SUDS3: variants seen among roughly 807,000 people sequenced by gnomAD.
The protein encoded by SUDS3 is sin3 histone deacetylase corepressor complex component SDS3.
In SUDS3, 23 loss-of-function variants were observed where a neutral mutation model predicts 53.5. That is an observed-to-expected ratio of 0.43 (90% CI 0.31 to 0.61). SUDS3 has a LOEUF of 0.61. SUDS3 is among the 20% of genes least tolerant of loss of function. The pLI, the probability that SUDS3 is intolerant of heterozygous loss-of-function variation, is 0.10. For missense variants in SUDS3, 291 were observed against 405.9 expected, an observed-to-expected ratio of 0.72 and a Z score of 2.43; for synonymous variants, 150 against 148.5, an observed-to-expected ratio of 1.01 and a Z score of -0.08.
chr12:118,414,236 T>C, intron 11 of SUDS3, 99 bp from the exon 12 acceptor site: 1 of 871,206 alleles, frequency 1.1e-6, no homozygotes, highest in Non-Finnish European at 1.7e-6. Context: ...GCTACCAGCC[T>C]TCTGCTTGCA....
chr12:118,403,579 G>T lies in SUDS3; in HGVS notation c.803+62G>T. 3.0e-6 allele frequency: 4 copies of T among 1,334,338 alleles called. No homozygotes were observed. In the Admixed American group the frequency reaches 5.8e-5, roughly 19 times the overall value. The allele number at this position is 1,334,338 out of a possible 1,614,324, so 82.7% of individuals were successfully genotyped here. A position where few individuals can be genotyped will look rare whatever the true frequency, so the allele number is the denominator to read the frequency against. ...ATATGAACCACTTGGAAAGAGGGCT[G>T]GGGCTATTGTAGTTATTTCAGATCA... On this transcript the variant is annotated intron_variant, in intron 10 of 11. Transcript: ENST00000543473.
intron 7 of SUDS3, among the ~76,000 whole-genome samples, chr12:118,401,486 T>G (rs927004695): frequency 6.6e-6 from 1 of 152,214 alleles, no homozygotes; most frequent in Non-Finnish European, 1.5e-5. Flanking sequence ...GAAATTCTTA[T>G]TTTACTGTTT....
chr12:118,403,395 G>A lies in SUDS3; in HGVS notation c.698-17G>A, dbSNP rs2271008. The A allele has an allele frequency of 1.1e-4, 182 of 1,602,474 alleles. No homozygotes were observed. The East Asian group carries it at 3.8e-3, about 33-fold the overall frequency. Reference sequence around the variant, plus strand: ...GTTTGTTACATTCTTAGTCACGTAAGTATTGGTTTCCTCCAGCATCTCCAT... The same window carrying A: ...GTTTGTTACATTCTTAGTCACGTAAATATTGGTTTCCTCCAGCATCTCCAT... On this transcript the variant is annotated splice_polypyrimidine_tract_variant and intron_variant, in intron 9 of 11. Transcript: ENST00000543473.
rs536872290 is a variant in SUDS3, at chr12:118,398,997, C to T, written c.518-1662C>T. On this transcript the variant is annotated intron_variant, in intron 6 of 11. Transcript: ENST00000543473. The stretch of plus-strand genomic sequence containing the variant: ...GAGAGGGTATTAAACTGACTTTCAA[C>T]GGGTATTATGTAGGAGTTTGCTGGG... 5.3e-5 allele frequency among the ~76,000 whole-genome samples: 8 copies of T among 152,150 alleles called. No homozygotes were observed. In the East Asian group the frequency reaches 7.7e-4, roughly 15 times the overall value.
chr12:118,377,898 G>T (rs1036237874), intron 1 of SUDS3, among the ~76,000 whole-genome samples: 2 of 152,230 alleles, frequency 1.3e-5, no homozygotes, highest in Non-Finnish European at 2.9e-5. Context: ...CTCAGGGAAG[G>T]CCTCTTGACT....
chr12:118,387,339 C>T (rs982325766), intron 4 of SUDS3, among the ~76,000 whole-genome samples: 4 of 152,164 alleles, frequency 2.6e-5, no homozygotes, highest in Non-Finnish European at 5.9e-5. Context: ...GTCCTGCCTC[C>T]TCACTTTAGA....
chr12:118,388,623 C>G (rs2046135895), intron 4 of SUDS3, among the ~76,000 whole-genome samples: 1 of 152,088 alleles, frequency 6.6e-6, no homozygotes, highest in South Asian at 2.1e-4. Flanking sequence ...TTTAAGGCAT[C>G]TGAAGGGCAT....
chr12:118,381,798 C>G (rs1476213890), intron 2 of SUDS3, among the ~76,000 whole-genome samples: 1 of 152,200 alleles, frequency 6.6e-6, no homozygotes, highest in East Asian at 1.9e-4. Flanking sequence ...GAAACGAAAA[C>G]CTCACTCACT....
intron 10 of SUDS3, among the ~76,000 whole-genome samples, chr12:118,410,137 A>G (rs1184431098): frequency 6.6e-6 from 1 of 152,232 alleles, no homozygotes; most frequent in Non-Finnish European, 1.5e-5. Context: ...TCTCTGTGAT[A>G]GTGGAGAACT....
At chr12:118,400,787 CTTTT>C in intron 7 of SUDS3, 33 bp downstream of exon 7, 3 of 1,595,940 alleles carry the variant, frequency 1.9e-6, no homozygotes, top group Non-Finnish European at 2.6e-6. Flanking sequence ...AACCGCCTTT[CTTTT>C]TTAAGACTGT....
At chr12:118,390,873 G>A (rs1255298772) in intron 5 of SUDS3, 2 of 511,018 alleles carry the variant, frequency 3.9e-6, no homozygotes, top group Non-Finnish European at 7.4e-6. Flanking sequence ...ATGTGTTTTA[G>A]TATAAAATAT....
At chr12:118,407,808 T>C (rs1025209093) in intron 10 of SUDS3, among the ~76,000 whole-genome samples, 2 of 150,550 alleles carry the variant, frequency 1.3e-5, no homozygotes, top group Non-Finnish European at 3.0e-5. Flanking sequence ...AGACTCCGCC[T>C]CCCAGGTTCA....
chr12:118,407,972 G>A (rs919456668), intron 10 of SUDS3, among the ~76,000 whole-genome samples: 9 of 151,972 alleles, frequency 5.9e-5, no homozygotes, highest in Non-Finnish European at 1.3e-4. Flanking sequence ...CGCCATCTCA[G>A]CTCACTGCAA....
intron 6 of SUDS3, among the ~76,000 whole-genome samples, chr12:118,392,996 A>G (rs1418333428): frequency 1.3e-5 from 2 of 152,230 alleles, no homozygotes; most frequent in African/African-American, 4.8e-5. Flanking sequence ...TTTGTAACGC[A>G]ATAAAATAGA....
intron 2 of SUDS3, among the ~76,000 whole-genome samples, chr12:118,381,901 A>C (rs374129210): frequency 2.6e-5 from 4 of 152,214 alleles, no homozygotes; most frequent in African/African-American, 9.7e-5. Flanking sequence ...ACCTTTTAAC[A>C]GGATGATCCA....
intron 2 of SUDS3, 48 bp downstream of exon 2, chr12:118,380,279 T>A: frequency 1.3e-6 from 2 of 1,490,366 alleles, no homozygotes; most frequent in Non-Finnish European, 1.8e-6. Context: ...ATTGACAACA[T>A]CTTTATATAG....
At chr12:118,414,247 TCTCA>T in intron 11 of SUDS3, 84 bp from the exon 12 acceptor site, 1 of 963,522 alleles carries the variant, frequency 1.0e-6, no homozygotes, top group Non-Finnish European at 1.5e-6. Flanking sequence ...TCTGCTTGCA[TCTCA>T]CTCGTGCAGA....
At chr12:118,398,707 C>T (rs908581255) in intron 6 of SUDS3, among the ~76,000 whole-genome samples, 3 of 150,448 alleles carry the variant, frequency 2.0e-5, no homozygotes, top group Non-Finnish European at 4.4e-5. Context: ...CTGAAGCTGC[C>T]CTGCCTGTTC....
intron 6 of SUDS3, among the ~76,000 whole-genome samples, chr12:118,394,611 C>T (rs1414435702): frequency 6.6e-6 from 1 of 152,214 alleles, no homozygotes; most frequent in Non-Finnish European, 1.5e-5. Context: ...GACACAGCTT[C>T]CTTGACTTCC....
Sources: allele counts gnomAD v4.1 joint callset (sites outside exome capture counted in the v4.1 genomes callset), GRCh38; gene constraint gnomAD v4.1.1; transcripts MANE v1.5; gene names NCBI Gene and HGNC (gene_info 2026-07-23, HGNC 2026-07-21).